EYA2: variants seen among roughly 807,000 people sequenced by gnomAD.
EYA2 encodes the protein EYA transcriptional coactivator and phosphatase 2.
EYA2 carries 31 observed loss-of-function variants against 69.2 expected under a neutral mutation model. The observed-to-expected ratio is 0.45, with a 90% CI of 0.34 to 0.60. The LOEUF (loss-of-function observed/expected upper bound fraction) is 0.60, where lower values mean the gene tolerates loss of function less well. Ranked by LOEUF, EYA2 falls within the 20% of genes least tolerant of loss-of-function variation. EYA2 has a pLI of 0.02. For synonymous variants in EYA2, 257 were observed against 279.4 expected, an observed-to-expected ratio of 0.92 and a Z score of 0.80; for missense variants, 622 against 701.2, an observed-to-expected ratio of 0.89 and a Z score of 1.28.
chr20:47,057,447 C>T (rs1332760562), intron 5 of EYA2, among the ~76,000 whole-genome samples: 1 of 152,036 alleles, frequency 6.6e-6, no homozygotes, highest in Non-Finnish European at 1.5e-5. Context: ...AACAGGCTCA[C>T]GCCTCTCTAC....
At chr20:46,935,419 G>C (rs560469553) in intron 1 of EYA2, among the ~76,000 whole-genome samples, 1 of 152,284 alleles carries the variant, frequency 6.6e-6, no homozygotes, top group South Asian at 2.1e-4. Context: ...CGATTAAATG[G>C]GATAGTGTTT....
intron 7 of EYA2, among the ~76,000 whole-genome samples, chr20:47,078,133 C>T (rs139907652): frequency 8.0e-4 from 122 of 152,298 alleles, no homozygotes; most frequent in South Asian, 2.1e-3. Context: ...TCCCTCTGTT[C>T]TTCCTTTATC....
At chr20:47,087,476 C>T (rs2031932992) in intron 7 of EYA2, among the ~76,000 whole-genome samples, 1 of 152,254 alleles carries the variant, frequency 6.6e-6, no homozygotes, top group Non-Finnish European at 1.5e-5. Flanking sequence ...CTGGCTTTGC[C>T]ACTCATTTGC....
At chr20:46,920,093 A>G (rs1332796109) in intron 1 of EYA2, among the ~76,000 whole-genome samples, 1 of 152,218 alleles carries the variant, frequency 6.6e-6, no homozygotes, top group Non-Finnish European at 1.5e-5. Context: ...AAGATCACTG[A>G]TCACAGATCT....
intron 8 of EYA2, among the ~76,000 whole-genome samples, chr20:47,095,630 A>G (rs2032225236): frequency 6.6e-6 from 1 of 152,204 alleles, no homozygotes; most frequent in Non-Finnish European, 1.5e-5. Context: ...AGGAACAGTG[A>G]AATACCAGAT....
chr20:46,924,033 G>T (rs1432462175), intron 1 of EYA2, among the ~76,000 whole-genome samples: 10 of 152,026 alleles, frequency 6.6e-5, no homozygotes, highest in Admixed American at 4.6e-4. Context: ...GCAAGCAGTG[G>T]CCTCTAGAAA....
chr20:46,988,082 G>A (rs1035416023), intron 1 of EYA2, among the ~76,000 whole-genome samples: 40 of 148,010 alleles, frequency 2.7e-4, no homozygotes, highest in South Asian at 2.2e-4. Context: ...TTTACATTGC[G>A]TTGGACATTA....
chr20:47,024,957 A>G (rs1046352509), intron 5 of EYA2, among the ~76,000 whole-genome samples: 11 of 152,240 alleles, frequency 7.2e-5, no homozygotes, highest in Non-Finnish European at 1.3e-4. Flanking sequence ...CAAGCCTGGT[A>G]TGAGTACAGT....
chr20:46,960,216 A>T (rs1402005757), intron 1 of EYA2, among the ~76,000 whole-genome samples: 1 of 152,150 alleles, frequency 6.6e-6, no homozygotes, highest in African/African-American at 2.4e-5. Flanking sequence ...ATTTCACGCC[A>T]CTGCAACCTA....
chr20:47,171,350 T>C (rs1385616921), intron 11 of EYA2, among the ~76,000 whole-genome samples: 1 of 152,228 alleles, frequency 6.6e-6, no homozygotes, highest in Non-Finnish European at 1.5e-5. Context: ...GTACCTACTA[T>C]ATGCTAGGTC....
chr20:46,981,514 G>T (rs957241871), intron 1 of EYA2, among the ~76,000 whole-genome samples: 1 of 152,092 alleles, frequency 6.6e-6, no homozygotes, highest in African/African-American at 2.4e-5. Context: ...TCCAAAGGAT[G>T]GTGTGTTTTG....
intron 13 of EYA2, among the ~76,000 whole-genome samples, chr20:47,180,609 C>G (rs1380234460): frequency 1.3e-5 from 2 of 152,174 alleles, no homozygotes; most frequent in Non-Finnish European, 2.9e-5. Flanking sequence ...AAGTATTCCC[C>G]CCATACTACA....
chr20:47,125,338 A>T (rs2033160972), intron 9 of EYA2, among the ~76,000 whole-genome samples: 1 of 152,266 alleles, frequency 6.6e-6, no homozygotes, highest in Non-Finnish European at 1.5e-5. Context: ...TACAGGTGTG[A>T]GCCACCTGCC....
chr20:47,026,529 C>A (rs994307289), intron 5 of EYA2, among the ~76,000 whole-genome samples: 2 of 150,930 alleles, frequency 1.3e-5, no homozygotes, highest in African/African-American at 4.9e-5. Flanking sequence ...AAAAAGAAAA[C>A]AAAATGACAA....
chr20:46,935,216 T>C (rs1457566861), intron 1 of EYA2, among the ~76,000 whole-genome samples: 1 of 152,224 alleles, frequency 6.6e-6, no homozygotes, highest in African/African-American at 2.4e-5. Context: ...TCTTGTGTGA[T>C]GCTCCACCAG....
In EYA2 at chr20:47,088,246, TTAAAA is replaced by T. The variant is rs1432829496; in HGVS notation, c.662-987_662-983del. Among the ~76,000 whole-genome samples, 8 of 151,932 alleles carry T rather than the reference TTAAAA, an allele frequency of 5.3e-5. No individual in the cohort carries two copies. In the South Asian group the frequency reaches 1.5e-3, roughly 28 times the overall value. On this transcript the variant is annotated intron_variant, in intron 7 of 15. Transcript: ENST00000327619. ...GAGACTCCGTCTCAAAAAATAAAAA[TTAAAA>T]TAAAAAAATAGAGAATAGAGGGAGC...
chr20:46,914,427 A>C (rs560490708), intron 1 of EYA2, among the ~76,000 whole-genome samples: 1 of 152,212 alleles, frequency 6.6e-6, no homozygotes, highest in South Asian at 2.1e-4. Context: ...GACATACCCA[A>C]CTGGGTAATT....
At chr20:47,023,962 C>T (rs531832895) in intron 5 of EYA2, among the ~76,000 whole-genome samples, 1 of 152,282 alleles carries the variant, frequency 6.6e-6, no homozygotes, top group Admixed American at 6.5e-5. Context: ...ACTTCCATGT[C>T]TCTACTTAAC....
intron 9 of EYA2, among the ~76,000 whole-genome samples, chr20:47,098,305 A>G (rs762032007): frequency 6.6e-6 from 1 of 152,228 alleles, no homozygotes; most frequent in Non-Finnish European, 1.5e-5. Flanking sequence ...AATGGGCTCC[A>G]CAGCCATTGC....
Sources: gnomAD v4.1 joint callset for allele counts (sites outside exome capture counted in the v4.1 genomes callset) on GRCh38, gnomAD v4.1.1 for gene constraint, MANE v1.5 for transcripts, NCBI Gene and HGNC (gene_info 2026-07-23, HGNC 2026-07-21) for gene names.